Variants in DDX59 observed in about 807,000 individuals in gnomAD.
DDX59 encodes the protein probable ATP-dependent RNA helicase DDX59.
A neutral mutation model predicts 51.9 loss-of-function variants in DDX59; 30 were observed. The observed-to-expected ratio is 0.58, with a 90% CI of 0.43 to 0.78. The LOEUF (loss-of-function observed/expected upper bound fraction) is 0.78. DDX59 is among the 30% of genes least tolerant of loss of function. DDX59 has a pLI of 0.00. For missense variants in DDX59, 672 were observed against 730.8 expected (o/e 0.92, Z 0.93); for synonymous variants, 255 against 253.3 (o/e 1.01, Z -0.06).
chr1:200,665,815 G>A lies in DDX59; in HGVS notation c.804+122C>T. The A allele has an allele frequency of 2.9e-6, 3 of 1,051,484 alleles. No homozygotes were observed. The South Asian group carries it at 5.7e-5, about 20-fold the overall frequency. The allele number at this position is 1,051,484 out of a possible 1,614,324, so 65.1% of individuals were successfully genotyped here. ...AGAAGCAAAATCACTACAGGCACTA[G>A]TGACTAAAATTCCAAATATTTAGTT... On this transcript the variant is annotated intron_variant, in intron 2 of 7. Coordinates refer to ENST00000331314, the MANE Select transcript of DDX59 (RefSeq NM_001031725.6).
In DDX59 at chr1:200,666,642, C is replaced by T. The variant is rs1347993218; in HGVS notation, c.99G>A (p.Gln33=). ...KIIKPDPEDL[Q]LDKSRDVPVD... ...CGGGAACATCTCTGCTTTTGTCCAA[C>T]TGAAGGTCTTCTGGGTCTGGTTTAA... is the stretch of plus-strand genomic sequence containing the variant. Residue 33 remains glutamine (Q), a synonymous_variant, in exon 2 of 8, where the codon CAG becomes CAA. Coordinates refer to ENST00000331314, the MANE Select transcript of DDX59 (RefSeq NM_001031725.6). 1 of 1,614,218 alleles carries T rather than the reference C, an allele frequency of 6.2e-7. No individual in the cohort carries two copies. Among genetic ancestry groups the T allele is most frequent in the East Asian group, 2.2e-5 (1 of 44,886 alleles).
chr1:200,649,599 A>T (rs1196949035), intron 5 of DDX59, among the ~76,000 whole-genome samples: 6 of 139,092 alleles, frequency 4.3e-5, no homozygotes, highest in African/African-American at 1.6e-4. Flanking sequence ...ATAGCACTCC[A>T]GCCTGGGCAA....
intron 4 of DDX59, among the ~76,000 whole-genome samples, chr1:200,657,601 T>C (rs1662111246): frequency 6.6e-6 from 1 of 151,900 alleles, no homozygotes; most frequent in South Asian, 2.1e-4. Context: ...TACAAAAAAT[T>C]AGCTGGGTAT....
chr1:200,646,084 C>T lies in DDX59; in HGVS notation c.1597-1567G>A, dbSNP rs540571982. On this transcript the variant is annotated intron_variant, in intron 7 of 7. Transcript: ENST00000331314. The stretch of plus-strand genomic sequence containing the variant: ...ACATGGCGGCTCATGCCTATAATCC[C>T]AGCATTTTGAGAGGCTGAGGCAGGA... Among the ~76,000 whole-genome samples the T allele has an allele frequency of 5.3e-4, 80 of 152,258 alleles. 1 individual carries two copies. Among genetic ancestry groups the T allele is most frequent in the African/African-American group, 1.8e-3 (75 of 41,542 alleles).
At chr1:200,652,451 G>A (rs1189517510) in intron 4 of DDX59, among the ~76,000 whole-genome samples, 1 of 151,944 alleles carries the variant, frequency 6.6e-6, no homozygotes, top group Non-Finnish European at 1.5e-5. Context: ...TTGGCTTACT[G>A]TGCAACCTCC....
chr1:200,645,136 T>A (rs1325435558), intron 7 of DDX59, among the ~76,000 whole-genome samples: 2 of 152,134 alleles, frequency 1.3e-5, no homozygotes, highest in Non-Finnish European at 2.9e-5. Context: ...GGTAATGACA[T>A]AAAGATGTTT....
intron 7 of DDX59, among the ~76,000 whole-genome samples, chr1:200,645,894 T>C (rs1571606453): frequency 6.6e-6 from 1 of 152,174 alleles, no homozygotes; most frequent in African/African-American, 2.4e-5. Context: ...TGTTTTTCAG[T>C]AACAGCTTTT....
chr1:200,652,143 A>C (rs777243376), intron 4 of DDX59, among the ~76,000 whole-genome samples: 7 of 151,944 alleles, frequency 4.6e-5, no homozygotes, highest in South Asian at 2.1e-4. Context: ...TAATTCTTTT[A>C]AACTATTACG....
chr1:200,658,511 C>A (rs1302192267), intron 4 of DDX59, among the ~76,000 whole-genome samples: 1 of 152,056 alleles, frequency 6.6e-6, no homozygotes, highest in Non-Finnish European at 1.5e-5. Context: ...TCAGCCTGGG[C>A]AATATAGTGA....
chr1:200,657,829 A>T (rs1662127710), intron 4 of DDX59, among the ~76,000 whole-genome samples: 1 of 151,940 alleles, frequency 6.6e-6, no homozygotes, highest in African/African-American at 2.4e-5. Context: ...AGGCAGGAGA[A>T]CCACTTGAAC....
chr1:200,664,186 AG>A lies in DDX59; in HGVS notation c.805-101del, dbSNP rs931756109. ...GATTCCAGGAACATGGCCCCTTTAA[AG>A]TGTTCCCAACTGGGTATGAGTCCTC... On this transcript the variant is annotated intron_variant, in intron 2 of 7. Transcript: ENST00000331314. 12 of 1,350,068 alleles carry A rather than the reference AG, an allele frequency of 8.9e-6. No homozygotes were observed. In the East Asian group the frequency reaches 3.1e-4, roughly 34 times the overall value. 83.6% of individuals were successfully genotyped at this position (1,350,068 alleles called of 1,614,324 possible). A position where few individuals can be genotyped will look rare whatever the true frequency, so the allele number is the denominator to read the frequency against.
At chr1:200,658,924 T>C (rs1427919713) in intron 4 of DDX59, 103 bp downstream of exon 4, 4 of 1,004,372 alleles carry the variant, frequency 4.0e-6, no homozygotes, top group Middle Eastern at 3.2e-4. Context: ...GAGGTTTTTT[T>C]TGAGAGAGAG....
chr1:200,648,384 GC>G (rs1661430070), intron 7 of DDX59, 54 bp downstream of exon 7: 1 of 1,603,536 alleles, frequency 6.2e-7, no homozygotes, highest in African/African-American at 1.3e-5. Context: ...CATTGACAAT[GC>G]CTTTCCCAAT....
At chr1:200,660,343 G>A (rs1662296594) in intron 3 of DDX59, among the ~76,000 whole-genome samples, 1 of 152,148 alleles carries the variant, frequency 6.6e-6, no homozygotes, top group South Asian at 2.1e-4. Flanking sequence ...CAACTTTGCT[G>A]AACAGAGGTT....
intron 4 of DDX59, among the ~76,000 whole-genome samples, chr1:200,652,391 T>C (rs1371679382): frequency 6.6e-6 from 1 of 152,180 alleles, no homozygotes; most frequent in East Asian, 1.9e-4. Context: ...TTTAATATTA[T>C]TCAGTGGAAA....
At chr1:200,641,397 TA>T (rs5780032), downstream of DDX59, 182,988 of 215,412 alleles carry the variant, frequency 0.85, 75,494 homozygotes, top group African/African-American at 0.93. Context: ...CCAAAAAAAC[TA>T]AAAAAAAAAA....
intron 4 of DDX59, among the ~76,000 whole-genome samples, chr1:200,651,646 TTA>T (rs2102862780): frequency 6.6e-6 from 1 of 152,350 alleles, no homozygotes; most frequent in East Asian, 1.9e-4. Context: ...GGGCTTTCAC[TTA>T]TATTTTTCTA....
At position 200,666,473 on chromosome 1, in the gene DDX59, G is replaced by T. The variant is rs1368867425; in HGVS notation, c.268C>A (p.Pro90Thr). 1 of 1,614,146 alleles carries T rather than the reference G, an allele frequency of 6.2e-7. No homozygotes were observed. The highest frequency in any genetic ancestry group is 1.3e-5 in the African/African-American group (1 of 75,022). ...TGTGTTTTGGAAAATGACTTAACGG[G>T]CTCTTCAGAAGGATGGCTGTCCTTC... ...GAKDSHPSEE[P>T]VKSFSKTQRW... Residue 90 changes from proline to threonine, a missense_variant, in exon 2 of 8, where the codon CCC (proline) becomes ACC (threonine). Pro to Thr is a conservative substitution (Grantham distance 38, BLOSUM62 -1). Coordinates refer to ENST00000331314, the MANE Select transcript of DDX59 (RefSeq NM_001031725.6).
At chr1:200,663,193 G>C (rs1662488712) in intron 3 of DDX59, among the ~76,000 whole-genome samples, 1 of 152,120 alleles carries the variant, frequency 6.6e-6, no homozygotes, top group African/African-American at 2.4e-5. Flanking sequence ...GGTCGCCAGG[G>C]CCGCCCTACC....
Sources: allele counts gnomAD v4.1 joint callset (sites outside exome capture counted in the v4.1 genomes callset), GRCh38; gene constraint gnomAD v4.1.1; transcripts MANE v1.5; gene names NCBI Gene and HGNC (gene_info 2026-07-23, HGNC 2026-07-21).